Variants in SLC25A26 observed in about 807,000 individuals in gnomAD.
SLC25A26 encodes the protein mitochondrial S-adenosylmethionine carrier protein.
Under a neutral mutation model 37.8 loss-of-function variants are expected in SLC25A26, and 36 were observed. The observed-to-expected ratio is 0.95, with a 90% confidence interval of 0.73 to 1.26. The LOEUF (loss-of-function observed/expected upper bound fraction) is 1.26. Ranked by LOEUF, SLC25A26 falls within the 50% of genes most tolerant of loss-of-function variation. SLC25A26 has a pLI of 0.00. For missense variants in SLC25A26, 390 were observed against 331.1 expected (o/e 1.18, Z -1.38); for synonymous variants, 129 against 122.5 (o/e 1.05, Z -0.35).
At chr3:66,262,007 A>G in intron 3 of SLC25A26, 44 bp from the exon 4 acceptor site, 1 of 1,190,604 alleles carries the variant, frequency 8.4e-7, no homozygotes, top group Non-Finnish European at 1.2e-6. Context: ...CAATTTTTAT[A>G]GCAGTTATTT....
intron 1 of SLC25A26, among the ~76,000 whole-genome samples, chr3:66,222,788 G>C (rs961210933): frequency 6.6e-6 from 1 of 152,100 alleles, no homozygotes; most frequent in Non-Finnish European, 1.5e-5. Flanking sequence ...GATACTCTCC[G>C]AAGTCAGCAA....
chr3:66,243,859 G>A (rs1324760487), intron 3 of SLC25A26, among the ~76,000 whole-genome samples: 1 of 152,172 alleles, frequency 6.6e-6, no homozygotes, highest in Non-Finnish European at 1.5e-5. Context: ...AGCTCCCACT[G>A]GTTCTTTTCC....
intron 5 of SLC25A26, among the ~76,000 whole-genome samples, chr3:66,279,341 G>A (rs568782518): frequency 1.3e-5 from 2 of 152,256 alleles, no homozygotes; most frequent in East Asian, 3.9e-4. Flanking sequence ...AGGCCGCATA[G>A]CATAGTGGTT....
At chr3:66,238,085 C>T (rs1475336408) in intron 2 of SLC25A26, among the ~76,000 whole-genome samples, 1 of 152,154 alleles carries the variant, frequency 6.6e-6, no homozygotes, top group Admixed American at 6.5e-5. Flanking sequence ...AAGTGAGCAT[C>T]CACTCCATGC....
At chr3:66,342,155 G>T (rs2076223431) in intron 5 of SLC25A26, among the ~76,000 whole-genome samples, 1 of 152,008 alleles carries the variant, frequency 6.6e-6, no homozygotes, top group Admixed American at 6.6e-5. Flanking sequence ...CTTGAAAATT[G>T]CAATGGGCCA....
At chr3:66,245,594 T>C (rs1179901585) in intron 3 of SLC25A26, among the ~76,000 whole-genome samples, 2 of 152,230 alleles carry the variant, frequency 1.3e-5, no homozygotes, top group Non-Finnish European at 2.9e-5. Context: ...GGGAAATGAA[T>C]TAACCTTTAT....
chr3:66,324,085 G>A (rs2075769792), intron 5 of SLC25A26: 1 of 152,144 alleles, frequency 6.6e-6, no homozygotes, highest in Admixed American at 6.6e-5. Flanking sequence ...ATGCTGATCA[G>A]TAGTGGGATA....
At chr3:66,224,963 G>A (rs1187595439) in intron 1 of SLC25A26, among the ~76,000 whole-genome samples, 1 of 152,214 alleles carries the variant, frequency 6.6e-6, no homozygotes, top group Non-Finnish European at 1.5e-5. Flanking sequence ...TCACGCTGCT[G>A]TAAGAGGTGG....
At chr3:66,291,217 TTGTC>T (rs1325586320) in intron 5 of SLC25A26, among the ~76,000 whole-genome samples, 2 of 152,196 alleles carry the variant, frequency 1.3e-5, no homozygotes. Context: ...TCTTCTTTAT[TTGTC>T]TGGCTAGTGG....
intron 5 of SLC25A26, among the ~76,000 whole-genome samples, chr3:66,305,172 T>C (rs1375521213): frequency 6.6e-6 from 1 of 152,216 alleles, no homozygotes; most frequent in African/African-American, 2.4e-5. Flanking sequence ...CTTTCTTTGG[T>C]GTTCTCATGG....
intron 5 of SLC25A26, among the ~76,000 whole-genome samples, chr3:66,271,493 G>A (rs1380141456): frequency 6.6e-6 from 1 of 152,264 alleles, no homozygotes; most frequent in South Asian, 2.1e-4. Context: ...GCATGAGGCA[G>A]TACTAACTTT....
chr3:66,318,107 G>A (rs879579777), intron 5 of SLC25A26, among the ~76,000 whole-genome samples: 39 of 152,312 alleles, frequency 2.6e-4, no homozygotes, highest in Admixed American at 9.8e-4. Context: ...TTGGGGTTCT[G>A]TGGGAATGAG....
intron 1 of SLC25A26, among the ~76,000 whole-genome samples, chr3:66,206,454 T>A (rs1195881532): frequency 6.6e-6 from 1 of 152,162 alleles, no homozygotes; most frequent in Non-Finnish European, 1.5e-5. Flanking sequence ...TGCCTGGAGC[T>A]GGGCAATGAA....
intron 5 of SLC25A26, among the ~76,000 whole-genome samples, chr3:66,323,334 T>TA (rs2075746764): frequency 6.6e-6 from 1 of 152,244 alleles, no homozygotes; most frequent in South Asian, 2.1e-4. Flanking sequence ...TTAATTAATG[T>TA]ACTGTGTCTA....
rs555007115 is a variant in SLC25A26 at position 66,230,760 on chromosome 3, G to T, written c.34-5784G>T. 2.1e-5 allele frequency among the ~76,000 whole-genome samples: 3 copies of T among 140,044 alleles called. No homozygotes were observed. The East Asian group carries it at 6.3e-4, about 29-fold the overall frequency. The allele number at this position is 140,044 out of a possible 152,430, so 91.9% of individuals were successfully genotyped here. ...GTGAAGGTTGCAGTGAGCCGAGATC[G>T]TGCCATTGTACTCCAGCCTGGGCAA... On this transcript the variant is annotated intron_variant, in intron 1 of 9. Coordinates refer to ENST00000354883, the MANE Select transcript of SLC25A26 (RefSeq NM_001379210.1).
chr3:66,146,254 C>T (rs978118973), intron 1 of SLC25A26, among the ~76,000 whole-genome samples: 5 of 151,620 alleles, frequency 3.3e-5, no homozygotes, highest in African/African-American at 7.3e-5. Flanking sequence ...GCAGGAGAAT[C>T]GCTTGAACCC....
chr3:66,233,220 T>G (rs1181519472), intron 1 of SLC25A26, among the ~76,000 whole-genome samples: 1 of 152,242 alleles, frequency 6.6e-6, no homozygotes, highest in Non-Finnish European at 1.5e-5. Context: ...GACCTATAAC[T>G]TCTCAGAGTA....
chr3:66,302,597 C>T (rs953767639), intron 5 of SLC25A26, among the ~76,000 whole-genome samples: 1 of 152,158 alleles, frequency 6.6e-6, no homozygotes, highest in Non-Finnish European at 1.5e-5. Context: ...ACTCATACTC[C>T]ACTAGGCCTT....
intron 9 of SLC25A26, chr3:66,371,177 T>C: frequency 6.8e-7 from 1 of 1,467,020 alleles, no homozygotes; most frequent in Non-Finnish European, 9.1e-7. Flanking sequence ...CTTACAGGCA[T>C]GTGAAATGAT....
Sources: allele counts gnomAD v4.1 joint callset (sites outside exome capture counted in the v4.1 genomes callset), GRCh38; gene constraint gnomAD v4.1.1; transcripts MANE v1.5; gene names NCBI Gene and HGNC (gene_info 2026-07-23, HGNC 2026-07-21).